The following DAB1 variants were observed in gnomAD, a reference collection of about 807,000 sequenced individuals.
DAB1 encodes disabled homolog 1.
A neutral mutation model predicts 64.6 loss-of-function variants in DAB1; 15 were observed. The observed-to-expected ratio is 0.23, with a 90% CI of 0.16 to 0.36. The LOEUF is 0.36. Ranked by LOEUF, DAB1 falls within the 10% of genes least tolerant of loss-of-function variation. The pLI is 1.00. For missense variants in DAB1, 596 were observed against 706.7 expected, an observed-to-expected ratio of 0.84 and a Z score of 1.78; for synonymous variants, 235 against 251.9, an observed-to-expected ratio of 0.93 and a Z score of 0.64.
intron 4 of DAB1, among the ~76,000 whole-genome samples, chr1:57,107,019 T>A (rs1655223692): frequency 6.6e-6 from 1 of 152,088 alleles, no homozygotes; most frequent in South Asian, 2.1e-4. Flanking sequence ...TGTTGATATC[T>A]CTAATTGATA....
At chr1:58,385,277 G>A (rs1644423824) in intron 3 of DAB1, among the ~76,000 whole-genome samples, 1 of 152,160 alleles carries the variant, frequency 6.6e-6, no homozygotes, top group African/African-American at 2.4e-5. Flanking sequence ...AAGCTAAAGA[G>A]AAATTAATCC....
intron 6 of DAB1, among the ~76,000 whole-genome samples, chr1:57,651,131 C>A (rs1457405352): frequency 6.6e-6 from 1 of 151,294 alleles, no homozygotes; most frequent in Non-Finnish European, 1.5e-5. Context: ...AGGGAGGCAG[C>A]AATTTTTCAG....
intron 4 of DAB1, among the ~76,000 whole-genome samples, chr1:58,281,021 T>C (rs1230046322): frequency 6.6e-6 from 1 of 152,122 alleles, no homozygotes; most frequent in Non-Finnish European, 1.5e-5. Flanking sequence ...ATTCCATTAA[T>C]GGTGAAATGG....
chr1:58,121,430 G>A (rs1378175612), intron 5 of DAB1, among the ~76,000 whole-genome samples: 1 of 152,096 alleles, frequency 6.6e-6, no homozygotes, highest in South Asian at 2.1e-4. Context: ...AAAATCTTAT[G>A]ATGTTCATGA....
chr1:58,530,549 A>T, intron 1 of DAB1: 1 of 815,944 alleles, frequency 1.2e-6, no homozygotes, highest in Non-Finnish European at 2.1e-6. Context: ...AGTAGTATTA[A>T]AATATCTTCA....
intron 7 of DAB1, 83 bp from the exon 8 acceptor site, chr1:57,069,508 A>T: frequency 1.7e-6 from 2 of 1,173,464 alleles, no homozygotes; most frequent in Non-Finnish European, 2.5e-6. Flanking sequence ...TAAGATACAA[A>T]TCACAGCGAG....
intron 5 of DAB1, among the ~76,000 whole-genome samples, chr1:58,064,191 T>C (rs1459969987): frequency 6.6e-6 from 1 of 152,122 alleles, no homozygotes. Flanking sequence ...CGCACATAAT[T>C]TGCAAGCTGA....
At chr1:58,028,547 A>C (rs1646927573) in intron 5 of DAB1, among the ~76,000 whole-genome samples, 1 of 152,214 alleles carries the variant, frequency 6.6e-6, no homozygotes, top group African/African-American at 2.4e-5. Context: ...AAAAAATGCT[A>C]AACCTATGAC....
chr1:57,080,958 G>T (rs957628308), intron 4 of DAB1, among the ~76,000 whole-genome samples: 7 of 152,146 alleles, frequency 4.6e-5, no homozygotes, highest in African/African-American at 1.7e-4. Context: ...GGTGCACTAG[G>T]TTCTGGAGAC....
At chr1:58,004,853 C>A (rs1830905) in intron 5 of DAB1, among the ~76,000 whole-genome samples, 60,382 of 151,782 alleles carry the variant, frequency 0.4, 12,379 homozygotes, top group East Asian at 0.63. Flanking sequence ...GTATTTCAGA[C>A]CTAAAGCCAG....
chr1:57,818,503 T>C (rs898364094), intron 6 of DAB1, among the ~76,000 whole-genome samples: 6 of 152,134 alleles, frequency 3.9e-5, no homozygotes, highest in Non-Finnish European at 1.5e-5. Context: ...TGGATAATAT[T>C]GACAGTAATG....
chr1:57,949,566 A>AAT lies in DAB1; in HGVS notation n.388-65406_388-65405dup, dbSNP rs766348549. On this transcript the variant is annotated intron_variant and non_coding_transcript_variant, in intron 5 of 20. Transcript: ENST00000485760. ...CATCTATCTACACACACACACACACAATATATATATATAATGCACATATTT... is the reference window on the plus strand; with the variant it reads ...CATCTATCTACACACACACACACACAATATATATATATATAATGCACATATTT... Among the ~76,000 whole-genome samples the AAT allele has an allele frequency of 3.4e-3, 427 of 127,162 alleles. 3 individuals carry two copies. The East Asian group carries it at 0.037, about 11-fold the overall frequency. The allele number at this position is 127,162 out of a possible 152,430, so 83.4% of individuals were successfully genotyped here.
Position 57,353,114 on chromosome 1 carries a change from TACACACAC to T in DAB1, c.-136-61956_-136-61949del, listed in dbSNP as rs10572319. ...TTCCATATATATATATTTTTTTCCA[TACACACAC>T]ACACACACACACACACACACACACA... On this transcript the variant is annotated intron_variant, in intron 1 of 14. Transcript: ENST00000371236. 6.4e-3 allele frequency among the ~76,000 whole-genome samples: 935 copies of T among 145,618 alleles called. 8 individuals carry two copies. Among genetic ancestry groups the T allele is most frequent in the South Asian group, 0.018 (78 of 4,396 alleles).
intron 14 of DAB1, among the ~76,000 whole-genome samples, chr1:57,000,718 T>C (rs1156954306): frequency 1.3e-5 from 2 of 152,224 alleles, no homozygotes; most frequent in Non-Finnish European, 2.9e-5. Context: ...CAAGCACGCA[T>C]ATTAATGTTT....
chr1:57,348,614 TC>T (rs750088607), intron 1 of DAB1, among the ~76,000 whole-genome samples: 4 of 152,068 alleles, frequency 2.6e-5, no homozygotes, highest in Admixed American at 6.6e-5. Context: ...ATTTCACTCA[TC>T]TTGCCAGAGT....
At chr1:57,479,919 C>A (rs909481694) in intron 7 of DAB1, among the ~76,000 whole-genome samples, 1 of 151,814 alleles carries the variant, frequency 6.6e-6, no homozygotes, top group African/African-American at 2.4e-5. Flanking sequence ...TTTGGGAGGC[C>A]GAGACGGGCG....
At chr1:58,367,063 C>T (rs776069104) in intron 3 of DAB1, among the ~76,000 whole-genome samples, 14 of 152,110 alleles carry the variant, frequency 9.2e-5, no homozygotes, top group East Asian at 5.8e-4. Context: ...TCTTATAATC[C>T]GTGAGTTAGT....
chr1:57,815,217 C>T (rs972659442), intron 6 of DAB1, among the ~76,000 whole-genome samples: 15 of 151,880 alleles, frequency 9.9e-5, no homozygotes, highest in South Asian at 4.2e-4. Context: ...TACAGGCACC[C>T]GCCACCACAC....
chr1:57,553,934 G>T (rs1188633197), intron 7 of DAB1, among the ~76,000 whole-genome samples: 1 of 152,086 alleles, frequency 6.6e-6, no homozygotes, highest in African/African-American at 2.4e-5. Flanking sequence ...AGGAATCTCA[G>T]CTGAGAAAGG....
Sources: allele counts gnomAD v4.1 joint callset (sites outside exome capture counted in the v4.1 genomes callset), GRCh38; gene constraint gnomAD v4.1.1; transcripts MANE v1.5; gene names NCBI Gene and HGNC (gene_info 2026-07-23, HGNC 2026-07-21).